The following UBAC2 variants were observed in gnomAD, a reference collection of about 807,000 sequenced individuals.
UBAC2 encodes the protein UBA domain containing 2.
In UBAC2, 26 loss-of-function variants were observed where a neutral mutation model predicts 44.0. The ratio of observed to expected loss-of-function variants is 0.59; its 90% CI spans 0.43 to 0.82. The LOEUF (loss-of-function observed/expected upper bound fraction) is 0.82. Among genes scored for constraint, UBAC2 ranks in the 40% least tolerant of loss-of-function variants. The pLI, the probability that UBAC2 is intolerant of heterozygous loss-of-function variation, is 0.00. For missense variants in UBAC2, 329 were observed against 419.4 expected, an observed-to-expected ratio of 0.78 and a Z score of 1.88; for synonymous variants, 155 against 154.3, an observed-to-expected ratio of 1.00 and a Z score of -0.04.
In UBAC2 at chr13:99,318,177, T is replaced by C; in HGVS notation, c.561+108T>C. The C allele has an allele frequency of 4.6e-6, 4 of 877,330 alleles. No homozygotes were observed. The East Asian group carries it at 1.2e-4, about 25-fold the overall frequency. 54.3% of individuals were successfully genotyped at this position (877,330 alleles called of 1,614,324 possible). On this transcript the variant is annotated intron_variant, in intron 6 of 8. Coordinates refer to ENST00000403766, the MANE Select transcript of UBAC2 (RefSeq NM_001144072.2). Reference sequence around the variant, plus strand: ...TCATATTCAACTGTCTCACCATTCTTTTTTTTTGAGACAGAATTTCACTCT... The same window carrying C: ...TCATATTCAACTGTCTCACCATTCTCTTTTTTTGAGACAGAATTTCACTCT...
rs1000737570 is a variant in UBAC2 at position 99,203,729 on chromosome 13, C to T, written c.31+2790C>T. The stretch of plus-strand genomic sequence containing the variant: ...ACAATGAGAGGGTAACTGCAAAGAC[C>T]GAAGTTATGGTGGAGGACCACTTTA... On this transcript the variant is annotated intron_variant, in intron 1 of 8. Transcript: ENST00000403766. Among the ~76,000 whole-genome samples the T allele has an allele frequency of 1.1e-4, 16 of 151,840 alleles. 1 individual carries two copies. Among genetic ancestry groups the T allele is most frequent in the East Asian group, 3.9e-4 (2 of 5,176 alleles).
At chr13:99,219,030 GA>G (rs2043027147) in intron 1 of UBAC2, among the ~76,000 whole-genome samples, 1 of 152,176 alleles carries the variant, frequency 6.6e-6, no homozygotes, top group Admixed American at 6.5e-5. Context: ...GTTACTTTAT[GA>G]GACACCAAGT....
At chr13:99,233,897 A>T (rs1184925913) in intron 1 of UBAC2, among the ~76,000 whole-genome samples, 1 of 152,126 alleles carries the variant, frequency 6.6e-6, no homozygotes, top group African/African-American at 2.4e-5. Flanking sequence ...ATGTTTTTGT[A>T]ACCAAATCTG....
At position 99,367,918 on chromosome 13, in the gene UBAC2, G is replaced by T. The variant is rs745372398; in HGVS notation, c.927+12G>T. 6.2e-7 allele frequency: 1 copy of T among 1,612,234 alleles called. No individual in the cohort carries two copies. The highest frequency in any genetic ancestry group is 2.2e-5 in the East Asian group (1 of 44,868). On this transcript the variant is annotated intron_variant, in intron 8 of 8. Transcript: ENST00000403766. ...TTTCTGAGGAACAGGTAATTAATCA[G>T]TAATACCTGGTACTCATTCTAAATC...
At chr13:99,223,619 A>G (rs2043078151) in intron 1 of UBAC2, among the ~76,000 whole-genome samples, 1 of 124,658 alleles carries the variant, frequency 8.0e-6, no homozygotes. Context: ...TAATATAAGC[A>G]TTTTTATGCT....
Position 99,314,395 on chromosome 13 carries a change from G to GTATA in UBAC2, c.513+176_513+179dup, listed in dbSNP as rs574011613. Among the ~76,000 whole-genome samples the GTATA allele has an allele frequency of 2.3e-3, 346 of 151,934 alleles. 3 individuals are homozygous for GTATA. Among genetic ancestry groups the GTATA allele is most frequent in the South Asian group, 9.1e-3 (44 of 4,822 alleles). On this transcript the variant is annotated intron_variant, in intron 5 of 8. Coordinates refer to ENST00000403766, the MANE Select transcript of UBAC2 (RefSeq NM_001144072.2). The stretch of plus-strand genomic sequence containing the variant: ...AGTGTTACAGAACAAGAACATCAAG[G>GTATA]TATAGAAGATACTAGAATACTTTCA...
At position 99,338,357 on chromosome 13, in the gene UBAC2, C is replaced by G. The variant is rs555702081; in HGVS notation, c.562-1963C>G. ...ACAGGTGTGAGCCACTGCGCCCAACCTTGTAATGTTTTAAGAAAGTTTATG... is the reference window on the plus strand; with the variant it reads ...ACAGGTGTGAGCCACTGCGCCCAACGTTGTAATGTTTTAAGAAAGTTTATG... On this transcript the variant is annotated intron_variant, in intron 6 of 8. Transcript: ENST00000403766. Among the ~76,000 whole-genome samples the G allele has an allele frequency of 1.6e-3, 240 of 152,188 alleles. 2 individuals are homozygous for G. The highest frequency in any genetic ancestry group is 5.6e-3 in the African/African-American group (231 of 41,530).
intron 7 of UBAC2, among the ~76,000 whole-genome samples, chr13:99,352,344 C>T (rs2045106344): frequency 6.6e-6 from 1 of 152,204 alleles, no homozygotes; most frequent in Non-Finnish European, 1.5e-5. Flanking sequence ...CATTCCCATC[C>T]GCCCTGTCCT....
chr13:99,228,291 ATT>A (rs138887932), intron 1 of UBAC2, among the ~76,000 whole-genome samples: 64 of 145,244 alleles, frequency 4.4e-4, no homozygotes, highest in Non-Finnish European at 6.5e-4. Flanking sequence ...ATATTCATTC[ATT>A]TTTTTTTTTT....
intron 1 of UBAC2, chr13:99,215,468 ATTC>A: frequency 2.1e-6 from 3 of 1,397,524 alleles, no homozygotes; most frequent in Non-Finnish European, 3.0e-6. Flanking sequence ...TGAGAATCCA[ATTC>A]TTCATCTGCA....
chr13:99,256,869 C>G (rs2138631974), intron 4 of UBAC2, among the ~76,000 whole-genome samples: 1 of 152,252 alleles, frequency 6.6e-6, no homozygotes, highest in East Asian at 1.9e-4. Flanking sequence ...CTGTGGCATC[C>G]CCTTGTAATA....
At chr13:99,368,686 A>AGTGTGTGTGTGTGT (rs1284291833) in intron 8 of UBAC2, among the ~76,000 whole-genome samples, 1 of 82,504 alleles carries the variant, frequency 1.2e-5, no homozygotes, top group Non-Finnish European at 2.7e-5. Context: ...AACTCATGAG[A>AGTGTGTGTGTGTGT]GAGTGTGTGT....
chr13:99,365,223 G>T (rs1234645718), intron 7 of UBAC2, among the ~76,000 whole-genome samples: 1 of 151,938 alleles, frequency 6.6e-6, no homozygotes, highest in Non-Finnish European at 1.5e-5. Flanking sequence ...AGCTTGCCAG[G>T]TTTGCCTATT....
intron 1 of UBAC2, among the ~76,000 whole-genome samples, chr13:99,206,280 TGGG>T (rs767173472): frequency 6.6e-6 from 1 of 151,472 alleles, no homozygotes; most frequent in Non-Finnish European, 1.5e-5. Flanking sequence ...ACTCCAGAGG[TGGG>T]GGGACAGTTG....
chr13:99,299,278 A>G (rs953533576), intron 4 of UBAC2, among the ~76,000 whole-genome samples: 2 of 152,254 alleles, frequency 1.3e-5, no homozygotes, highest in African/African-American at 4.8e-5. Flanking sequence ...AGGGGATTAA[A>G]TATTTTATGG....
intron 1 of UBAC2, among the ~76,000 whole-genome samples, chr13:99,209,311 A>G (rs918678624): frequency 2.0e-5 from 3 of 152,206 alleles, no homozygotes; most frequent in East Asian, 1.9e-4. Flanking sequence ...GAACCCTCAC[A>G]TTCCACTGTC....
At chr13:99,384,478 C>T (rs183210650) in intron 8 of UBAC2, among the ~76,000 whole-genome samples, 216 of 152,308 alleles carry the variant, frequency 1.4e-3, no homozygotes, top group Non-Finnish European at 2.4e-3. Flanking sequence ...CAGGAAATCT[C>T]CGTATTCACA....
chr13:99,275,992 A>G (rs2043877049), intron 4 of UBAC2, among the ~76,000 whole-genome samples: 1 of 152,178 alleles, frequency 6.6e-6, no homozygotes, highest in African/African-American at 2.4e-5. Context: ...TGGGAGTCTT[A>G]ACATTTACTA....
chr13:99,322,437 C>G (rs2044580649), intron 6 of UBAC2, among the ~76,000 whole-genome samples: 1 of 152,182 alleles, frequency 6.6e-6, no homozygotes, highest in Non-Finnish European at 1.5e-5. Flanking sequence ...CAGGACTGAT[C>G]TGATTCTGGC....
Sources: gnomAD v4.1 joint callset for allele counts (sites outside exome capture counted in the v4.1 genomes callset) on GRCh38, gnomAD v4.1.1 for gene constraint, MANE v1.5 for transcripts, NCBI Gene and HGNC (gene_info 2026-07-23, HGNC 2026-07-21) for gene names.